The following NRDE2 variants were observed in gnomAD, a reference collection of about 807,000 sequenced individuals.
NRDE2 encodes the protein nuclear exosome regulator NRDE2.
A neutral mutation model predicts 124.2 loss-of-function variants in NRDE2; 76 were observed. The observed-to-expected ratio is 0.61, with a 90% confidence interval of 0.51 to 0.74. The LOEUF (loss-of-function observed/expected upper bound fraction) is 0.74. NRDE2 is among the 30% of genes least tolerant of loss of function. The pLI is 0.00. For synonymous variants in NRDE2, 489 were observed against 528.1 expected (o/e 0.93, Z 1.01); for missense variants, 1,314 against 1,417.3 (o/e 0.93, Z 1.17).
intron 5 of NRDE2, among the ~76,000 whole-genome samples, 176 bp downstream of exon 5, chr14:90,303,759 G>A (rs1884492041): frequency 6.6e-6 from 1 of 152,160 alleles, no homozygotes; most frequent in Non-Finnish European, 1.5e-5. Context: ...TTCTTCGCAT[G>A]TCCATTTTCC....
chr14:90,316,193 A>C (rs954503129), intron 3 of NRDE2, among the ~76,000 whole-genome samples: 1 of 152,182 alleles, frequency 6.6e-6, no homozygotes, highest in Non-Finnish European at 1.5e-5. Flanking sequence ...GGAGTGACTG[A>C]ATGAAAGATA....
chr14:90,283,007 C>T (rs1891997632), intron 12 of NRDE2, among the ~76,000 whole-genome samples: 1 of 152,222 alleles, frequency 6.6e-6, no homozygotes, highest in Admixed American at 6.5e-5. Context: ...CGTATATGCA[C>T]ATGTACACAA....
At chr14:90,309,507 ACTGT>A (rs900042564) in intron 4 of NRDE2, among the ~76,000 whole-genome samples, 1 of 149,988 alleles carries the variant, frequency 6.7e-6, no homozygotes, top group Non-Finnish European at 1.5e-5. Context: ...AGAACCCTAC[ACTGT>A]CTGTCTCCAT....
chr14:90,286,033 T>G (rs556235483), intron 12 of NRDE2, among the ~76,000 whole-genome samples: 1 of 152,336 alleles, frequency 6.6e-6, no homozygotes, highest in African/African-American at 2.4e-5. Context: ...TTAGACCATT[T>G]TGCAAGTTAC....
chr14:90,289,218 G>A (rs1566685886), intron 10 of NRDE2, 73 bp from the exon 11 acceptor site: 1 of 1,286,046 alleles, frequency 7.8e-7, no homozygotes, highest in Non-Finnish European at 1.1e-6. Flanking sequence ...ACTGTAGAAA[G>A]CACTGACAGG....
At chr14:90,303,503 A>C (rs543385797) in intron 5 of NRDE2, among the ~76,000 whole-genome samples, 1 of 152,352 alleles carries the variant, frequency 6.6e-6, no homozygotes, top group East Asian at 1.9e-4. Context: ...TTTTCGAAAG[A>C]GAATGCATGG....
rs1437880390 is a variant in NRDE2, at chr14:90,278,309, A to G, written c.*27T>C. 1.9e-6 allele frequency: 3 copies of G among 1,613,582 alleles called. No individual in the cohort carries two copies. The African/African-American group carries it at 4.0e-5, about 22-fold the overall frequency. ...CGCAGGGTGGGCAACTTGGCCTCGC[A>G]GGCACAGCCCGTTTTCCCGCTGCTC... On this transcript the variant is annotated 3_prime_UTR_variant, in exon 14 of 14. Coordinates refer to ENST00000354366, the MANE Select transcript of NRDE2 (RefSeq NM_017970.4).
At chr14:90,320,726 A>C (rs1322399868) in intron 1 of NRDE2, among the ~76,000 whole-genome samples, 1 of 152,232 alleles carries the variant, frequency 6.6e-6, no homozygotes, top group Non-Finnish European at 1.5e-5. Flanking sequence ...GAAAGAAGTG[A>C]CAGGTTCCAA....
intron 8 of NRDE2, among the ~76,000 whole-genome samples, chr14:90,297,800 G>C (rs61986784): frequency 0.26 from 39,451 of 151,872 alleles, 5,638 homozygotes; most frequent in Middle Eastern, 0.41. Context: ...AATTAGCTGG[G>C]CATGGTGGCA....
At chr14:90,331,020 G>T (rs1237728998) in intron 1 of NRDE2, among the ~76,000 whole-genome samples, 1 of 151,612 alleles carries the variant, frequency 6.6e-6, no homozygotes, top group Non-Finnish European at 1.5e-5. Context: ...TCAAACTTCT[G>T]GGCTCAAGCA....
At chr14:90,293,827 T>C (rs1892339205) in intron 8 of NRDE2, among the ~76,000 whole-genome samples, 1 of 152,194 alleles carries the variant, frequency 6.6e-6, no homozygotes, top group African/African-American at 2.4e-5. Flanking sequence ...GCCAGAGTTA[T>C]CTGTAAAGTT....
chr14:90,287,027 C>A (rs1892123525), intron 11 of NRDE2, among the ~76,000 whole-genome samples: 1 of 100,244 alleles, frequency 1.0e-5, no homozygotes, highest in African/African-American at 3.8e-5. Flanking sequence ...GAGTGAGACT[C>A]CGTCTCAAAA....
Position 90,301,801 on chromosome 14 carries a change from C to T in NRDE2, c.1412-429G>A, listed in dbSNP as rs1467769812. 5 of 456,144 alleles carry T rather than the reference C, an allele frequency of 1.1e-5. No homozygotes were observed. In the East Asian group the frequency reaches 2.1e-4, roughly 19 times the overall value. 28.3% of individuals were successfully genotyped at this position (456,144 alleles called of 1,614,324 possible). A position where few individuals can be genotyped will look rare whatever the true frequency, so the allele number is the denominator to read the frequency against. ...GCAACTTTCATCCTATGTTCAGAGT[C>T]GGCTGTAAACAAATCAAGGTTCCAT... On this transcript the variant is annotated intron_variant, in intron 6 of 13. Transcript: ENST00000354366.
At chr14:90,289,879 C>T (rs891892567) in intron 10 of NRDE2, among the ~76,000 whole-genome samples, 15 of 152,222 alleles carry the variant, frequency 9.9e-5, no homozygotes, top group East Asian at 1.9e-4. Flanking sequence ...TGAGCCACCG[C>T]GCCTGACGCT....
At chr14:90,324,306 T>C (rs544878595) in intron 1 of NRDE2, among the ~76,000 whole-genome samples, 1 of 152,138 alleles carries the variant, frequency 6.6e-6, no homozygotes, top group Non-Finnish European at 1.5e-5. Flanking sequence ...AATGGGCAGA[T>C]GGTCATGTTT....
intron 10 of NRDE2, among the ~76,000 whole-genome samples, chr14:90,289,645 T>C (rs1892214404): frequency 6.6e-6 from 1 of 152,242 alleles, no homozygotes; most frequent in Non-Finnish European, 1.5e-5. Flanking sequence ...TGGAGTGCAA[T>C]GGTGCGATCT....
chr14:90,331,552 G>T (rs1885697001), intron 1 of NRDE2, among the ~76,000 whole-genome samples: 1 of 152,212 alleles, frequency 6.6e-6, no homozygotes. Context: ...TGAAGTAACT[G>T]AGGCTCGAAA....
chr14:90,282,673 C>CTG, intron 12 of NRDE2, among the ~76,000 whole-genome samples: 1 of 148,046 alleles, frequency 6.8e-6, no homozygotes, highest in African/African-American at 2.5e-5. Flanking sequence ...TTCCTTCAAA[C>CTG]TTTTTTTTTT....
intron 8 of NRDE2, among the ~76,000 whole-genome samples, chr14:90,295,166 T>C (rs1302078286): frequency 1.3e-5 from 2 of 152,200 alleles, no homozygotes; most frequent in African/African-American, 4.8e-5. Flanking sequence ...TCTGACATTA[T>C]ACTGTGGTAC....
Sources: allele counts gnomAD v4.1 joint callset (sites outside exome capture counted in the v4.1 genomes callset), GRCh38; gene constraint gnomAD v4.1.1; transcripts MANE v1.5; gene names NCBI Gene and HGNC (gene_info 2026-07-23, HGNC 2026-07-21).